The following PCSK5 variants were observed in gnomAD, a reference collection of about 807,000 sequenced individuals.
The protein encoded by PCSK5 is proprotein convertase subtilisin/kexin type 5.
Under a neutral mutation model 233.2 loss-of-function variants are expected in PCSK5, and 129 were observed. The ratio of observed to expected loss-of-function variants is 0.55; its 90% CI spans 0.48 to 0.64. The LOEUF is 0.64. Ranked by LOEUF, PCSK5 falls within the 30% of genes least tolerant of loss-of-function variation. The probability of loss-of-function intolerance (pLI) is 0.00; values close to 1 mark genes in which losing one functional copy is unlikely to be tolerated. For missense variants in PCSK5, 2,076 were observed against 2,430.1 expected (o/e 0.85, Z 3.06); for synonymous variants, 825 against 879.2 (o/e 0.94, Z 1.09).
chr9:76,129,714 G>T (rs1192640793), intron 9 of PCSK5, among the ~76,000 whole-genome samples: 3 of 112,130 alleles, frequency 2.7e-5, no homozygotes, highest in African/African-American at 9.3e-5. Context: ...CTTTGGTGAA[G>T]GATTTTTTTC....
At chr9:75,979,962 A>AT (rs1224319981) in intron 2 of PCSK5, among the ~76,000 whole-genome samples, 1 of 152,222 alleles carries the variant, frequency 6.6e-6, no homozygotes, top group Non-Finnish European at 1.5e-5. Context: ...CTCAATAAAT[A>AT]TTTTTAGCAT....
At chr9:76,277,097 G>A (rs939495164) in intron 24 of PCSK5, among the ~76,000 whole-genome samples, 4 of 151,976 alleles carry the variant, frequency 2.6e-5, no homozygotes, top group Non-Finnish European at 5.9e-5. Context: ...GGGTGTGGTG[G>A]CACAAACCTG....
At chr9:76,021,579 T>C (rs183310006) in intron 3 of PCSK5, among the ~76,000 whole-genome samples, 48 of 152,170 alleles carry the variant, frequency 3.2e-4, no homozygotes, top group Non-Finnish European at 5.9e-4. Flanking sequence ...GATACAAATG[T>C]TCATAAAAAT....
At chr9:75,939,490 A>G (rs777152208) in intron 2 of PCSK5, among the ~76,000 whole-genome samples, 5 of 152,216 alleles carry the variant, frequency 3.3e-5, no homozygotes, top group Non-Finnish European at 5.9e-5. Context: ...CATTTGGGTC[A>G]AGGACAGTGT....
At chr9:76,256,428 C>T (rs746899257) in intron 24 of PCSK5, among the ~76,000 whole-genome samples, 5 of 152,120 alleles carry the variant, frequency 3.3e-5, no homozygotes, top group African/African-American at 7.2e-5. Flanking sequence ...GGAGTGTGGT[C>T]GAGCCGGACA....
intron 5 of PCSK5, among the ~76,000 whole-genome samples, chr9:76,049,450 T>C (rs1032381082): frequency 6.6e-6 from 1 of 152,218 alleles, no homozygotes; most frequent in Non-Finnish European, 1.5e-5. Context: ...CAGGAATAAC[T>C]GTCAGTAAAC....
At chr9:76,090,548 C>T (rs978403184) in intron 7 of PCSK5, among the ~76,000 whole-genome samples, 3 of 152,186 alleles carry the variant, frequency 2.0e-5, no homozygotes, top group African/African-American at 7.2e-5. Context: ...AGTCTCTATG[C>T]ATTCTGTGGC....
At chr9:76,055,831 C>T (rs899335403) in intron 5 of PCSK5, among the ~76,000 whole-genome samples, 1 of 152,160 alleles carries the variant, frequency 6.6e-6, no homozygotes, top group Admixed American at 6.5e-5. Context: ...GTTTTGCTTA[C>T]TTCACAGGGT....
intron 12 of PCSK5, among the ~76,000 whole-genome samples, chr9:76,169,007 A>C (rs1423261569): frequency 6.6e-6 from 1 of 152,126 alleles, no homozygotes; most frequent in Non-Finnish European, 1.5e-5. Flanking sequence ...AATGTTTTTT[A>C]AATTCATTTA....
At chr9:76,157,333 G>T (rs1031738185) in intron 11 of PCSK5, among the ~76,000 whole-genome samples, 171 bp downstream of exon 11, 2 of 152,136 alleles carry the variant, frequency 1.3e-5, no homozygotes, top group African/African-American at 2.4e-5. Flanking sequence ...GGTTAAATTC[G>T]TACTAGTATA....
chr9:76,307,246 C>T (rs139168292), intron 28 of PCSK5, among the ~76,000 whole-genome samples: 24 of 152,138 alleles, frequency 1.6e-4, no homozygotes, highest in African/African-American at 5.8e-4. Context: ...GACTAGAGCG[C>T]CATCTATACC....
chr9:76,179,778 G>A, intron 15 of PCSK5, 80 bp downstream of exon 15: 1 of 956,542 alleles, frequency 1.0e-6, no homozygotes, highest in Non-Finnish European at 1.7e-6. Flanking sequence ...ACCATGGGGT[G>A]TGTGCAGGCC....
chr9:76,103,996 C>T (rs935749188), intron 8 of PCSK5, among the ~76,000 whole-genome samples: 1 of 152,180 alleles, frequency 6.6e-6, no homozygotes, highest in Non-Finnish European at 1.5e-5. Context: ...AGTGGGCCGA[C>T]TGTTGAATGC....
At position 76,321,585 on chromosome 9, in the gene PCSK5, T is replaced by A. The variant is rs1829206147; in HGVS notation, c.4048T>A (p.Cys1350Ser). 6.2e-7 allele frequency: 1 copy of A among 1,612,510 alleles called. No individual in the cohort carries two copies. The change falls in exon 31 of 38, where the codon TGC becomes AGC. Residue 1350 changes from cysteine to serine, a missense_variant. Physicochemically the swap from Cys to Ser is moderately radical, Grantham distance 112 (BLOSUM62 -1). This residue lies in a region of PCSK5 where 1,510 missense variants were observed against 1,538.1 expected (regional missense o/e 0.98). Transcript: ENST00000674117. ...PERHVAVKGVCKHCPEMCQDC... is the reference protein window; with the variant it reads ...PERHVAVKGVSKHCPEMCQDC... ...GAGGCACGTGGCTGTGAAGGGGGTA[T>A]GCAAGCATTGCCCAGAGATGTGTCA...
At chr9:76,121,969 G>A (rs1163984112) in intron 9 of PCSK5, among the ~76,000 whole-genome samples, 1 of 103,952 alleles carries the variant, frequency 9.6e-6, no homozygotes, top group East Asian at 2.7e-4. Context: ...GACTACAGGC[G>A]CCCGCCACTA....
At chr9:76,299,343 A>G (rs984605927) in intron 27 of PCSK5, among the ~76,000 whole-genome samples, 3 of 152,228 alleles carry the variant, frequency 2.0e-5, no homozygotes, top group African/African-American at 7.2e-5. Context: ...TATTGTGACA[A>G]TTATTTAGTG....
In PCSK5 at chr9:76,159,065, C is replaced by G; in HGVS notation, c.1513C>G (p.Leu505Val). 2 of 1,614,088 alleles carry G rather than the reference C, an allele frequency of 1.2e-6. No individual in the cohort carries two copies. The highest frequency in any genetic ancestry group is 1.7e-6 in the Non-Finnish European group (2 of 1,179,946). ...TAACCCCAACCGCCATGTCAACTAC[C>G]TGGAGCACGTCGTTGTGCGCATCAC... ...SDNPNRHVNY[L>V]EHVVVRITIT... The change falls in exon 12 of 38, where the codon CTG becomes GTG. Residue 505 changes from leucine (L) to valine (V), a missense_variant. Leu to Val is a conservative substitution (Grantham distance 32). This residue lies in a region of PCSK5 where 64 missense variants were observed against 68.6 expected (regional missense o/e 0.93). Coordinates refer to ENST00000674117, the MANE Select transcript of PCSK5 (RefSeq NM_001372043.1).
intron 25 of PCSK5, among the ~76,000 whole-genome samples, chr9:76,293,965 G>A (rs1326145142): frequency 6.6e-6 from 1 of 152,222 alleles, no homozygotes; most frequent in Non-Finnish European, 1.5e-5. Flanking sequence ...GGGAGGCCAA[G>A]GTGGGTGGAT....
At chr9:76,188,976 A>G in intron 18 of PCSK5, 118 bp from the exon 19 acceptor site, 1 of 887,024 alleles carries the variant, frequency 1.1e-6, no homozygotes, top group South Asian at 1.9e-5. Flanking sequence ...AAGAAAAAGC[A>G]TGAATATTAA....
Sources: gnomAD v4.1 joint callset for allele counts (sites outside exome capture counted in the v4.1 genomes callset) on GRCh38, gnomAD v4.1.1 for gene constraint, gnomAD v4.1.1 regional missense constraint, MANE v1.5 for transcripts, NCBI Gene and HGNC (gene_info 2026-07-23, HGNC 2026-07-21) for gene names.